Variants in MAPKAPK5 observed in about 807,000 individuals in gnomAD.
MAPKAPK5 encodes MAP kinase-activated protein kinase 5.
Under a neutral mutation model 65.1 loss-of-function variants are expected in MAPKAPK5, and 30 were observed. That is an observed-to-expected ratio of 0.46 (90% CI 0.34 to 0.63). MAPKAPK5 has a LOEUF of 0.63. Ranked by LOEUF, MAPKAPK5 falls within the 20% of genes least tolerant of loss-of-function variation. MAPKAPK5 has a pLI of 0.01. For synonymous variants in MAPKAPK5, 179 were observed against 204.6 expected (o/e 0.87, Z 1.07); for missense variants, 433 against 581.4 (o/e 0.74, Z 2.63).
rs960823198 is a variant in MAPKAPK5 at position 111,896,266 on chromosome 12, C to T, written c.*3205C>T. 6.6e-6 allele frequency: 1 copy of T among 152,132 alleles called. No homozygotes were observed. The highest frequency in any genetic ancestry group is 2.4e-5 in the African/African-American group (1 of 41,418). 9.4% of individuals were successfully genotyped at this position (152,132 alleles called of 1,614,324 possible). On this transcript the variant is annotated 3_prime_UTR_variant, in exon 14 of 14. Transcript: ENST00000550735. ...AAGTGATACTCCCTTTGACTCTGAG[C>T]ATCAGTTGCCCGTGTTTCAGTCACT...
At chr12:111,870,041 T>C (rs2069733834) in intron 5 of MAPKAPK5, among the ~76,000 whole-genome samples, 1 of 152,258 alleles carries the variant, frequency 6.6e-6, no homozygotes, top group African/African-American at 2.4e-5. Flanking sequence ...AAAGAATTGC[T>C]GTACCATCAT....
intron 8 of MAPKAPK5, among the ~76,000 whole-genome samples, chr12:111,881,422 T>TTTTTTTTTTTA (rs1593174169): frequency 7.9e-6 from 1 of 126,592 alleles, no homozygotes; most frequent in African/African-American, 2.6e-5. Context: ...TTTTTTTTTT[T>TTTTTTTTTTTA]GAGACAGAGT....
intron 1 of MAPKAPK5, among the ~76,000 whole-genome samples, chr12:111,856,383 T>C (rs1192049886): frequency 6.7e-6 from 1 of 148,856 alleles, no homozygotes; most frequent in Non-Finnish European, 1.5e-5. Context: ...TTAGCTCCAT[T>C]GTCTCCCTCT....
At position 111,900,915 on chromosome 12, in the gene MAPKAPK5, G is replaced by C; in HGVS notation, c.*7854G>C. Reference sequence around the variant, plus strand: ...ATTATATGGATATGGTGCAAAATCAGCCTCACAAGAGTGTTACAATTCAAT... The same window carrying C: ...ATTATATGGATATGGTGCAAAATCACCCTCACAAGAGTGTTACAATTCAAT... On this transcript the variant is annotated 3_prime_UTR_variant, in exon 14 of 14. Transcript: ENST00000550735. 1 of 451,232 alleles carries C rather than the reference G, an allele frequency of 2.2e-6. No individual in the cohort carries two copies. Among genetic ancestry groups the C allele is most frequent in the South Asian group, 1.6e-5 (1 of 64,360 alleles). The allele number at this position is 451,232 out of a possible 1,614,324, so 28.0% of individuals were successfully genotyped here. A position where few individuals can be genotyped will look rare whatever the true frequency, so the allele number is the denominator to read the frequency against.
chr12:111,850,929 C>G lies in MAPKAPK5; in HGVS notation c.36+8160C>G, dbSNP rs553790356. Among the ~76,000 whole-genome samples, 25 of 147,222 alleles carry G rather than the reference C, an allele frequency of 1.7e-4. No homozygotes were observed. The East Asian group carries it at 4.5e-3, about 27-fold the overall frequency. Reference sequence around the variant, plus strand: ...TTTTTTTTTTTTTTGAGAGGAGTCTCGCTCTGTGGCCCAGGCTGGAGTGCA... The same window carrying G: ...TTTTTTTTTTTTTTGAGAGGAGTCTGGCTCTGTGGCCCAGGCTGGAGTGCA... On this transcript the variant is annotated intron_variant, in intron 1 of 13. Transcript: ENST00000550735.
chr12:111,860,668 C>T (rs916798626), intron 1 of MAPKAPK5, among the ~76,000 whole-genome samples: 1 of 152,200 alleles, frequency 6.6e-6, no homozygotes, highest in African/African-American at 2.4e-5. Context: ...AGAAGGATGG[C>T]AGGATCCTAG....
At chr12:111,858,424 A>G (rs1333966392) in intron 1 of MAPKAPK5, among the ~76,000 whole-genome samples, 1 of 151,872 alleles carries the variant, frequency 6.6e-6, no homozygotes, top group African/African-American at 2.4e-5. Flanking sequence ...ACATTATTCT[A>G]CAGGTCTCAT....
rs1330535518 is a variant in MAPKAPK5, at chr12:111,900,957, C to A, written c.*7896C>A. Reference sequence around the variant, plus strand: ...CAATTCAATGAACAGCAAAGGGGACCAATTTGGAAACTGTGGCATTTCTAC... The same window carrying A: ...CAATTCAATGAACAGCAAAGGGGACAAATTTGGAAACTGTGGCATTTCTAC... On this transcript the variant is annotated 3_prime_UTR_variant, in exon 14 of 14. Transcript: ENST00000550735. 1 of 455,920 alleles carries A rather than the reference C, an allele frequency of 2.2e-6. No individual in the cohort carries two copies. The highest frequency in any genetic ancestry group is 4.4e-6 in the Non-Finnish European group (1 of 226,804). The allele number at this position is 455,920 out of a possible 1,614,324, so 28.2% of individuals were successfully genotyped here.
chr12:111,846,889 C>T (rs2068922297), intron 1 of MAPKAPK5, among the ~76,000 whole-genome samples: 1 of 152,138 alleles, frequency 6.6e-6, no homozygotes, highest in Admixed American at 6.6e-5. Flanking sequence ...CATGTTCACA[C>T]TGTATATGCT....
intron 1 of MAPKAPK5, among the ~76,000 whole-genome samples, chr12:111,855,878 G>C (rs1346143005): frequency 2.8e-5 from 4 of 143,738 alleles, no homozygotes; most frequent in African/African-American, 1.0e-4. Flanking sequence ...TTCTTGAGAT[G>C]GAGTTTCGCT....
rs368919807 is a variant in MAPKAPK5 at position 111,870,306 on chromosome 12, C to T, written c.429C>T (p.Asn143=). Residue 143 remains asparagine, a synonymous_variant, in exon 6 of 14, where the codon AAC becomes AAT. Transcript: ENST00000550735. ...ALALRHCHLL[N]IAHRDLKPEN... is the part of the protein sequence containing the mutation. ...CTCTGCGGCACTGTCACTTGTTAAA[C>T]ATTGCGCACAGAGACCTCAAGCCTG... 18 of 1,610,596 alleles carry T rather than the reference C, an allele frequency of 1.1e-5. No individual in the cohort carries two copies. Among genetic ancestry groups the T allele is most frequent in the Non-Finnish European group, 1.4e-5 (17 of 1,177,180 alleles).
chr12:111,858,294 A>G (rs1032553252), intron 1 of MAPKAPK5, among the ~76,000 whole-genome samples: 1 of 152,066 alleles, frequency 6.6e-6, no homozygotes, highest in Non-Finnish European at 1.5e-5. Context: ...CTTGGAGGCC[A>G]TAGGTTATTA....
Position 111,868,755 on chromosome 12 carries a change from C to A in MAPKAPK5, c.287C>A (p.Ala96Asp). Residue 96 changes from alanine (A) to aspartate (D), a missense_variant and splice_region_variant, in exon 5 of 14, where the codon GCC becomes GAC. Physicochemically the swap from Ala to Asp is moderately radical, Grantham distance 126 (BLOSUM62 -2). Transcript: ENST00000550735. ...VQFPHESSPR[A>D]RLLIVMEMME... Reference sequence around the variant, plus strand: ...CAAAATCAAATGCTTTCAAACAGGGCCCGACTCTTAATTGTAATGGAGATG... The same window carrying A: ...CAAAATCAAATGCTTTCAAACAGGGACCGACTCTTAATTGTAATGGAGATG... 2 of 1,549,158 alleles carry A rather than the reference C, an allele frequency of 1.3e-6. No homozygotes were observed. The highest frequency in any genetic ancestry group is 1.7e-6 in the Non-Finnish European group (2 of 1,145,308).
Position 111,893,299 on chromosome 12 carries a change from AT to A in MAPKAPK5, c.*239del, listed in dbSNP as rs1196579960. ...TAGTTGTATATTTGTAAGATGACAG[AT>A]GATGCTGTCAAGCAATATTGTTTTA... On this transcript the variant is annotated 3_prime_UTR_variant, in exon 14 of 14. Coordinates refer to ENST00000550735, the MANE Select transcript of MAPKAPK5 (RefSeq NM_003668.4). The A allele has an allele frequency of 1.5e-4, 31 of 212,368 alleles. No homozygotes were observed. The highest frequency in any genetic ancestry group is 2.7e-4 in the Non-Finnish European group (29 of 106,862). 13.2% of individuals were successfully genotyped at this position (212,368 alleles called of 1,614,324 possible). A position where few individuals can be genotyped will look rare whatever the true frequency, so the allele number is the denominator to read the frequency against.
At chr12:111,885,791 A>G (rs924835218) in intron 9 of MAPKAPK5, 125 bp from the exon 10 acceptor site, 4 of 1,196,688 alleles carry the variant, frequency 3.3e-6, no homozygotes, top group Non-Finnish European at 3.5e-6. Context: ...TGTGCTCTGC[A>G]GGTGGAAAGC....
chr12:111,899,615 C>A lies in MAPKAPK5; in HGVS notation c.*6554C>A. On this transcript the variant is annotated 3_prime_UTR_variant, in exon 14 of 14. Coordinates refer to ENST00000550735, the MANE Select transcript of MAPKAPK5 (RefSeq NM_003668.4). ...TGGTTCATCTGAAGGTGAAGAGAAACCATTTTGTGAATAACTTTCCAGTCT... is the reference window on the plus strand; with the variant it reads ...TGGTTCATCTGAAGGTGAAGAGAAAACATTTTGTGAATAACTTTCCAGTCT... 1 of 258,412 alleles carries A rather than the reference C, an allele frequency of 3.9e-6. No individual in the cohort carries two copies. Among genetic ancestry groups the A allele is most frequent in the Non-Finnish European group, 7.8e-6 (1 of 128,264 alleles). The allele number at this position is 258,412 out of a possible 1,614,324, so 16.0% of individuals were successfully genotyped here. A position where few individuals can be genotyped will look rare whatever the true frequency, so the allele number is the denominator to read the frequency against.
In MAPKAPK5 at chr12:111,888,924, G is replaced by A. The variant is rs1419345458; in HGVS notation, c.1140G>A (p.Glu380=). The change falls in exon 12 of 14, where the codon GAG becomes GAA. Residue 380 remains glutamate, a synonymous_variant. Transcript: ENST00000550735. ...ACAGTGTCTATATCCACGACCATGA[G>A]AATGGAGCCGAGGATTCCAATGTTG... ...PKDSVYIHDH[E]NGAEDSNVAL... 2 of 1,613,338 alleles carry A rather than the reference G, an allele frequency of 1.2e-6. No homozygotes were observed. The highest frequency in any genetic ancestry group is 1.7e-5 in the Admixed American group (1 of 59,914).
intron 5 of MAPKAPK5, among the ~76,000 whole-genome samples, chr12:111,869,458 A>G (rs1239019982): frequency 6.6e-6 from 1 of 152,198 alleles, no homozygotes. Context: ...GAAAAGCTAA[A>G]CCCTCAAGGC....
At chr12:111,876,416 A>G (rs979635050) in intron 7 of MAPKAPK5, among the ~76,000 whole-genome samples, 1 of 151,978 alleles carries the variant, frequency 6.6e-6, no homozygotes, top group Non-Finnish European at 1.5e-5. Context: ...CAGTTCACCT[A>G]TATAATTAAC....
Sources: gnomAD v4.1 joint callset for allele counts (sites outside exome capture counted in the v4.1 genomes callset) on GRCh38, gnomAD v4.1.1 for gene constraint, MANE v1.5 for transcripts, NCBI Gene and HGNC (gene_info 2026-07-23, HGNC 2026-07-21) for gene names.